Variants in TENM2 observed in about 807,000 individuals in gnomAD.
TENM2 encodes teneurin transmembrane protein 2, also known as teneurin-2.
In TENM2, 52 loss-of-function variants were observed where a neutral mutation model predicts 245.2. The ratio of observed to expected loss-of-function variants is 0.21; its 90% CI spans 0.17 to 0.27. TENM2 has a LOEUF of 0.27. Ranked by LOEUF, TENM2 falls within the 10% of genes least tolerant of loss-of-function variation. The pLI is 1.00. For missense variants in TENM2, 3,046 were observed against 3,666.8 expected (o/e 0.83, Z 4.37); for synonymous variants, 1,363 against 1,438.9 (o/e 0.95, Z 1.19).
intron 3 of TENM2, among the ~76,000 whole-genome samples, chr5:167,897,778 A>G (rs1470955300): frequency 6.6e-6 from 1 of 152,114 alleles, no homozygotes; most frequent in Non-Finnish European, 1.5e-5. Context: ...ATATATAGAT[A>G]TATAGATTGA....
At chr5:168,219,392 G>A (rs767165106) in intron 23 of TENM2, among the ~76,000 whole-genome samples, 12 of 152,202 alleles carry the variant, frequency 7.9e-5, no homozygotes, top group Admixed American at 6.5e-5. Context: ...AATAGGTCCA[G>A]CAACACACTT....
intron 2 of TENM2, among the ~76,000 whole-genome samples, chr5:167,397,177 G>A (rs985723537): frequency 2.6e-5 from 4 of 152,016 alleles, no homozygotes; most frequent in Non-Finnish European, 4.4e-5. Context: ...AGGCTACCAC[G>A]TTGCTTGTCA....
intron 3 of TENM2, among the ~76,000 whole-genome samples, chr5:167,918,929 A>G (rs1029088927): frequency 6.6e-6 from 1 of 152,088 alleles, no homozygotes; most frequent in Non-Finnish European, 1.5e-5. Context: ...ATAGCGAGTT[A>G]ATTCATAATT....
At chr5:167,849,834 G>A (rs781289448) in intron 2 of TENM2, among the ~76,000 whole-genome samples, 8 of 152,130 alleles carry the variant, frequency 5.3e-5, no homozygotes, top group Admixed American at 3.9e-4. Flanking sequence ...AGATGCATAC[G>A]GCAAGTAAGA....
intron 7 of TENM2, among the ~76,000 whole-genome samples, chr5:168,067,618 C>G (rs1562117367): frequency 6.6e-6 from 1 of 152,128 alleles, no homozygotes; most frequent in Non-Finnish European, 1.5e-5. Context: ...TTCCTTGTCC[C>G]CTTCTTTCTT....
chr5:168,005,944 C>T (rs1166454810), intron 5 of TENM2, among the ~76,000 whole-genome samples: 1 of 152,070 alleles, frequency 6.6e-6, no homozygotes. Flanking sequence ...GGTATATATT[C>T]CTGGGAATAT....
At chr5:167,517,060 C>T (rs2127577386) in intron 2 of TENM2, among the ~76,000 whole-genome samples, 1 of 152,286 alleles carries the variant, frequency 6.6e-6, no homozygotes, top group African/African-American at 2.4e-5. Flanking sequence ...TGCCTTCTCT[C>T]TTTGTCAGTG....
the TENM2 span, among the ~76,000 whole-genome samples, chr5:167,261,448 C>T: frequency 9.9e-5 from 15 of 152,238 alleles, no homozygotes; most frequent in South Asian, 2.5e-3. Flanking sequence ...GATTCTGACG[C>T]AAAGTAACCC....
chr5:168,085,656 G>C (rs976515842), intron 7 of TENM2: 2 of 152,336 alleles, frequency 1.3e-5, no homozygotes, highest in African/African-American at 2.4e-5. Flanking sequence ...AAGAAATTGT[G>C]CTGAGCTTTA....
At chr5:167,228,001 CA>C in the TENM2 span, among the ~76,000 whole-genome samples, 1 of 151,636 alleles carries the variant, frequency 6.6e-6, no homozygotes, top group Non-Finnish European at 1.5e-5. Context: ...GACCTGTCTT[CA>C]AGTTCTGAGA....
chr5:167,434,690 G>C (rs1032920045), intron 2 of TENM2, among the ~76,000 whole-genome samples: 32 of 151,994 alleles, frequency 2.1e-4, no homozygotes, highest in African/African-American at 7.0e-4. Flanking sequence ...TGTGGATTTA[G>C]TATAATGAAA....
chr5:167,916,596 C>T (rs1323910722), intron 3 of TENM2, among the ~76,000 whole-genome samples: 1 of 152,038 alleles, frequency 6.6e-6, no homozygotes, highest in Non-Finnish European at 1.5e-5. Flanking sequence ...TTTGATCTGG[C>T]CCCCCTCCCT....
intron 2 of TENM2, among the ~76,000 whole-genome samples, chr5:167,404,077 CT>C (rs1762503263): frequency 6.6e-6 from 1 of 152,066 alleles, no homozygotes; most frequent in Non-Finnish European, 1.5e-5. Context: ...TATTTCTCCT[CT>C]TAACTTTCAT....
At chr5:167,003,038 G>T in the TENM2 span, among the ~76,000 whole-genome samples, 1 of 151,622 alleles carries the variant, frequency 6.6e-6, no homozygotes, top group African/African-American at 2.4e-5. Context: ...TTAATTTCAT[G>T]CAGATCTTCC....
chr5:167,143,332 C>T, the TENM2 span, among the ~76,000 whole-genome samples: 1 of 152,100 alleles, frequency 6.6e-6, no homozygotes, highest in Non-Finnish European at 1.5e-5. Context: ...TCGCCTTTAC[C>T]CAGAATTCAC....
chr5:167,796,580 T>C (rs1765336283), intron 2 of TENM2, among the ~76,000 whole-genome samples: 1 of 152,110 alleles, frequency 6.6e-6, no homozygotes, highest in Admixed American at 6.6e-5. Flanking sequence ...TCTTTTTTAC[T>C]TTCAAAGCAT....
intron 2 of TENM2, among the ~76,000 whole-genome samples, chr5:167,562,231 T>C (rs974135000): frequency 4.6e-5 from 7 of 152,156 alleles, no homozygotes; most frequent in Non-Finnish European, 2.9e-5. Context: ...TTTAGGAAAA[T>C]TGAACATAGA....
intron 2 of TENM2, among the ~76,000 whole-genome samples, chr5:167,684,784 C>G (rs1008014360): frequency 6.6e-6 from 1 of 152,152 alleles, no homozygotes; most frequent in African/African-American, 2.4e-5. Flanking sequence ...CTATATTGAG[C>G]CATCTTCACA....
At chr5:167,952,920 G>A (rs890172605) in intron 4 of TENM2, 98 bp downstream of exon 6, 1 of 962,614 alleles carries the variant, frequency 1.0e-6, no homozygotes, top group African/African-American at 1.6e-5. Flanking sequence ...CAGTCGGAGA[G>A]ACCCTCTGGG....
Sources: allele counts gnomAD v4.1 joint callset (sites outside exome capture counted in the v4.1 genomes callset), GRCh38; gene constraint gnomAD v4.1.1; transcripts MANE v1.5; gene names NCBI Gene and HGNC (gene_info 2026-07-23, HGNC 2026-07-21).